LIMD1: variants seen among roughly 807,000 people sequenced by gnomAD.
The protein encoded by LIMD1 is LIM domain containing 1.
A neutral mutation model predicts 58.4 loss-of-function variants in LIMD1; 23 were observed. That is an observed-to-expected ratio of 0.39 (90% CI 0.28 to 0.56). The LOEUF (loss-of-function observed/expected upper bound fraction) is 0.56, where lower values mean the gene tolerates loss of function less well. LIMD1 is among the 20% of genes least tolerant of loss of function. The probability of loss-of-function intolerance (pLI) is 0.57; values close to 1 mark genes in which losing one functional copy is unlikely to be tolerated. For synonymous variants in LIMD1, 334 were observed against 345.5 expected (o/e 0.97, Z 0.37); for missense variants, 838 against 855.5 (o/e 0.98, Z 0.25).
intron 1 of LIMD1, among the ~76,000 whole-genome samples, chr3:45,614,636 T>A (rs967142804): frequency 6.6e-6 from 1 of 151,328 alleles, no homozygotes; most frequent in African/African-American, 2.4e-5. Context: ...GGTGGGAGGA[T>A]CATATGAGCC....
intron 1 of LIMD1, among the ~76,000 whole-genome samples, chr3:45,619,474 T>C (rs1701609482): frequency 1.3e-5 from 2 of 152,182 alleles, no homozygotes; most frequent in Admixed American, 6.5e-5. Context: ...CATGGGACAG[T>C]CACTAAAAAT....
chr3:45,595,897 G>A lies in LIMD1; in HGVS notation c.1018G>A (p.Gly340Arg). Residue 340 changes from glycine to arginine, a missense_variant, in exon 1 of 8, where the codon GGG (glycine) becomes AGG (arginine). Gly to Arg is a moderately radical substitution (Grantham distance 125). This residue lies in a region of LIMD1 where 659 missense variants were observed against 639.8 expected (regional missense o/e 1.03). Transcript: ENST00000273317. ...GGACCCCCAACCCTGGTTCCAGGAT[G>A]GGCCCAAATCTTACCTTTCCAGTTC... is the stretch of plus-strand genomic sequence containing the variant. Reference protein sequence around the residue: ...NVDPQPWFQDGPKSYLSSSAP... With the variant: ...NVDPQPWFQDRPKSYLSSSAP... The A allele has an allele frequency of 6.2e-7, 1 of 1,614,236 alleles. No individual in the cohort carries two copies. Among genetic ancestry groups the A allele is most frequent in the Non-Finnish European group, 8.5e-7 (1 of 1,180,046 alleles).
In LIMD1 at chr3:45,596,243, G is replaced by A. The variant is rs1266476947; in HGVS notation, c.1364G>A (p.Arg455His). The change falls in exon 1 of 8, where the codon CGT becomes CAT. Residue 455 changes from arginine to histidine, a missense_variant. By Grantham distance (29) the Arg-to-His change is conservative. This residue lies in a region of LIMD1 where 659 missense variants were observed against 639.8 expected (regional missense o/e 1.03). Transcript: ENST00000273317. ...AELKLEALTQ[R>H]LEREMDAHPK... ...TTGAAATTAGAAGCCCTCACCCAAC[G>A]TCTGGAGCGAGAGATGGATGCTCAC... 2 of 1,611,788 alleles carry A rather than the reference G, an allele frequency of 1.2e-6. No homozygotes were observed. The highest frequency in any genetic ancestry group is 1.3e-5 in the African/African-American group (1 of 75,052).
intron 1 of LIMD1, among the ~76,000 whole-genome samples, chr3:45,604,709 A>G (rs1021539578): frequency 6.6e-6 from 1 of 152,088 alleles, no homozygotes; most frequent in Admixed American, 6.5e-5. Context: ...TGTGCTGCCA[A>G]TGCCACCAAT....
intron 1 of LIMD1, among the ~76,000 whole-genome samples, chr3:45,598,826 A>G (rs894056180): frequency 3.3e-5 from 5 of 152,190 alleles, no homozygotes; most frequent in African/African-American, 1.2e-4. Flanking sequence ...TGTTCTTGGC[A>G]GAGCAGACAG....
rs559035614 is a variant in LIMD1 at position 45,668,229 on chromosome 3, G to T, written c.1579-65G>T. On this transcript the variant is annotated intron_variant, in intron 3 of 7. Transcript: ENST00000273317. ...GAAATTCCTTATAATCCTCTTGGCT[G>T]TTGGGGAAGTGGCTGATTCATCTTA... The T allele has an allele frequency of 5.5e-6, 7 of 1,263,590 alleles. No homozygotes were observed. The African/African-American group carries it at 1.0e-4, about 19-fold the overall frequency. 78.3% of individuals were successfully genotyped at this position (1,263,590 alleles called of 1,614,324 possible).
At chr3:45,651,155 A>G (rs373758858) in intron 2 of LIMD1, among the ~76,000 whole-genome samples, 1 of 152,118 alleles carries the variant, frequency 6.6e-6, no homozygotes, top group African/African-American at 2.4e-5. Context: ...GTGTCTGTTC[A>G]TATCCTTTGC....
intron 4 of LIMD1, among the ~76,000 whole-genome samples, chr3:45,669,143 C>T (rs1206804707): frequency 6.6e-5 from 10 of 152,200 alleles, no homozygotes; most frequent in Non-Finnish European, 1.2e-4. Context: ...TTATACATTC[C>T]ATTCTTTGCT....
Position 45,682,692 on chromosome 3 carries a change from T to C in LIMD1, c.*5633T>C, listed in dbSNP as rs180810584. ...AAGTACTCCATCCCAGGCCATCTCATCCAGAGGGTGCTGTCTTGACCACTC... is the reference window on the plus strand; with the variant it reads ...AAGTACTCCATCCCAGGCCATCTCACCCAGAGGGTGCTGTCTTGACCACTC... On this transcript the variant is annotated 3_prime_UTR_variant, in exon 8 of 8. Transcript: ENST00000273317. 1 of 152,336 alleles carries C rather than the reference T, an allele frequency of 6.6e-6. No homozygotes were observed. Among genetic ancestry groups the C allele is most frequent in the East Asian group, 1.9e-4 (1 of 5,190 alleles). 9.4% of individuals were successfully genotyped at this position (152,336 alleles called of 1,614,324 possible).
chr3:45,636,218 T>C lies in LIMD1; in HGVS notation c.1477T>C (p.Tyr493His). The part of the protein sequence containing the change: ...GQACQAMGNL[Y>H]HDTCFTCAAC... The stretch of plus-strand genomic sequence containing the variant: ...GGCCTGTCAGGCCATGGGGAACCTC[T>C]ACCATGACACATGCTTCACCTGTGC... Residue 493 changes from tyrosine (Y) to histidine (H), a missense_variant, in exon 2 of 8, where the codon TAC (tyrosine) becomes CAC (histidine). Transcript: ENST00000273317. The C allele has an allele frequency of 4.3e-6, 7 of 1,613,044 alleles. No individual in the cohort carries two copies. Among genetic ancestry groups the C allele is most frequent in the Non-Finnish European group, 5.9e-6 (7 of 1,179,494 alleles).
At chr3:45,637,879 G>A (rs1410857274) in intron 2 of LIMD1, among the ~76,000 whole-genome samples, 2 of 152,228 alleles carry the variant, frequency 1.3e-5, no homozygotes, top group African/African-American at 2.4e-5. Flanking sequence ...TTTACACATT[G>A]ATCAGTGTTC....
rs1697779909 is a variant in LIMD1 at position 45,684,144 on chromosome 3, A to T, written c.*7085A>T. On this transcript the variant is annotated 3_prime_UTR_variant, in exon 8 of 8. Coordinates refer to ENST00000273317, the MANE Select transcript of LIMD1 (RefSeq NM_014240.3). ...CTGGTTAGAAGTTCCCAGGTAGGCG[A>T]CAGCCCTAGATGTGTGACACTTCTA... 1.3e-5 allele frequency: 2 copies of T among 152,244 alleles called. No individual in the cohort carries two copies. Among genetic ancestry groups the T allele is most frequent in the African/African-American group, 2.4e-5 (1 of 41,456 alleles). The allele number at this position is 152,244 out of a possible 1,614,324, so 9.4% of individuals were successfully genotyped here.
chr3:45,662,751 CTT>C (rs997476551), intron 2 of LIMD1, among the ~76,000 whole-genome samples: 4 of 152,114 alleles, frequency 2.6e-5, no homozygotes, highest in Non-Finnish European at 4.4e-5. Context: ...AATCCCAGCA[CTT>C]TGGGAGGCCG....
At position 45,672,793 on chromosome 3, in the gene LIMD1, A is replaced by T. The variant is rs780691267; in HGVS notation, c.1745A>T (p.Lys582Met). ...CCCTTCACCGTGGACTCAGAGAACAAGATCTACTGTGTCCGAGATTACCAC... is the reference window on the plus strand; with the variant it reads ...CCCTTCACCGTGGACTCAGAGAACATGATCTACTGTGTCCGAGATTACCAC... ...GVPFTVDSEN[K>M]IYCVRDYHKV... The change falls in exon 5 of 8, where the codon AAG becomes ATG. Residue 582 changes from lysine (K) to methionine (M), a missense_variant. By Grantham distance (95) the Lys-to-Met change is moderately conservative (BLOSUM62 -1). This residue lies in a region of LIMD1 where 174 missense variants were observed against 197.4 expected (regional missense o/e 0.88). Transcript: ENST00000273317. 1 of 1,614,032 alleles carries T rather than the reference A, an allele frequency of 6.2e-7. No homozygotes were observed. Among genetic ancestry groups the T allele is most frequent in the Non-Finnish European group, 8.5e-7 (1 of 1,179,948 alleles).
chr3:45,662,621 G>A (rs2125667785), intron 2 of LIMD1, among the ~76,000 whole-genome samples: 1 of 151,950 alleles, frequency 6.6e-6, no homozygotes, highest in East Asian at 1.9e-4. Flanking sequence ...CTTCCCTAGG[G>A]CAGCTGCCAT....
intron 3 of LIMD1, among the ~76,000 whole-genome samples, chr3:45,667,388 A>C (rs928779547): frequency 6.6e-6 from 1 of 152,092 alleles, no homozygotes; most frequent in Non-Finnish European, 1.5e-5. Context: ...ATAGAGAGCT[A>C]TTACCCCCAG....
intron 2 of LIMD1, among the ~76,000 whole-genome samples, chr3:45,649,760 T>C (rs1170860061): frequency 6.9e-6 from 1 of 145,788 alleles, no homozygotes; most frequent in South Asian, 2.1e-4. Flanking sequence ...TTATATATTT[T>C]ATATATATAA....
chr3:45,628,050 A>G (rs1384625093), intron 1 of LIMD1, among the ~76,000 whole-genome samples: 1 of 151,596 alleles, frequency 6.6e-6, no homozygotes, highest in Non-Finnish European at 1.5e-5. Context: ...AAAGGTTTTC[A>G]AGACACTGGA....
At chr3:45,613,066 TG>T (rs1199200343) in intron 1 of LIMD1, 1 of 150,908 alleles carries the variant, frequency 6.6e-6, no homozygotes, top group Non-Finnish European at 1.5e-5. Flanking sequence ...ATGATTTTGC[TG>T]TTTCAAATGG....
Sources: allele counts gnomAD v4.1 joint callset (sites outside exome capture counted in the v4.1 genomes callset), GRCh38; gene constraint gnomAD v4.1.1; regional missense constraint gnomAD v4.1.1; transcripts MANE v1.5; gene names NCBI Gene and HGNC (gene_info 2026-07-23, HGNC 2026-07-21).